The following MYH11 variants were observed in gnomAD, a reference collection of about 807,000 sequenced individuals.
MYH11 encodes the protein myosin heavy chain 11.
A neutral mutation model predicts 246.6 loss-of-function variants in MYH11; 80 were observed. That is an observed-to-expected ratio of 0.32 (90% CI 0.27 to 0.39). MYH11 has a LOEUF of 0.39. MYH11 is among the 10% of genes least tolerant of loss of function. The pLI is 1.00. For missense variants in MYH11, 2,158 were observed against 2,546.8 expected (o/e 0.85, Z 3.29); for synonymous variants, 1,071 against 1,015.5 (o/e 1.05, Z -1.04).
chr16:15,729,549 A>AAT (rs1221497889), intron 27 of MYH11, among the ~76,000 whole-genome samples: 4 of 137,324 alleles, frequency 2.9e-5, no homozygotes, highest in Admixed American at 2.3e-4. Flanking sequence ...TTCCAACCAT[A>AAT]ATTTTTTTTT....
intron 15 of MYH11, among the ~76,000 whole-genome samples, chr16:15,752,778 C>G (rs776560069): frequency 3.9e-5 from 6 of 152,152 alleles, no homozygotes; most frequent in Non-Finnish European, 8.8e-5. Flanking sequence ...ACTTGGGAGG[C>G]TGAGGCAGGA....
chr16:15,719,374 T>TGACA, intron 35 of MYH11, 66 bp from the exon 36 acceptor site: 5 of 1,558,692 alleles, frequency 3.2e-6, no homozygotes, highest in Non-Finnish European at 4.4e-6. Context: ...GAGTCCACCC[T>TGACA]GACAACTCAG....
At chr16:15,806,369 T>C (rs1253481019) in intron 3 of MYH11, among the ~76,000 whole-genome samples, 2 of 129,930 alleles carry the variant, frequency 1.5e-5, no homozygotes, top group African/African-American at 5.7e-5. Flanking sequence ...ATGTCCAGAA[T>C]AGGCAAATCC....
intron 2 of MYH11, among the ~76,000 whole-genome samples, chr16:15,825,540 CA>C (rs1387318804): frequency 6.6e-6 from 1 of 152,088 alleles, no homozygotes; most frequent in African/African-American, 2.4e-5. Context: ...CCCTGGGTGA[CA>C]GAGCAAGACC....
Position 15,732,557 on chromosome 16 carries a change from G to C in MYH11, c.3651+7C>G, listed in dbSNP as rs551160736. ...CATCACCAAAAAGCATCACCAAAAAGCATTACCCTCTTGAACTGCTCAAGC... is the reference window on the plus strand; with the variant it reads ...CATCACCAAAAAGCATCACCAAAAACCATTACCCTCTTGAACTGCTCAAGC... On this transcript the variant is annotated splice_region_variant and intron_variant, in intron 27 of 40. Coordinates refer to ENST00000300036, the MANE Select transcript of MYH11 (RefSeq NM_002474.3). 3.1e-6 allele frequency: 5 copies of C among 1,607,922 alleles called. No homozygotes were observed. The South Asian group carries it at 5.5e-5, about 18-fold the overall frequency.
intron 1 of MYH11, among the ~76,000 whole-genome samples, chr16:15,853,794 A>G (rs2044389621): frequency 6.6e-6 from 1 of 152,174 alleles, no homozygotes. Flanking sequence ...AGACCAAGCC[A>G]GGCGAATCAC....
rs568958841 is a variant in MYH11 at position 15,849,390 on chromosome 16, G to A, written c.-18+7551C>T. Among the ~76,000 whole-genome samples the A allele has an allele frequency of 1.0e-3, 159 of 152,286 alleles. 1 individual carries two copies. In the Middle Eastern group the frequency reaches 0.014, roughly 13 times the overall value. ...GTCACCTTTGGCATTAGCGATGTTT[G>A]ACACATCTGAGTGTGTCAGCCTTGT... On this transcript the variant is annotated intron_variant, in intron 1 of 40. Transcript: ENST00000300036.
Position 15,784,672 on chromosome 16 carries a change from C to T in MYH11, c.633+1958G>A, listed in dbSNP as rs747933116. The T allele has an allele frequency of 7.4e-6, 12 of 1,613,472 alleles. No homozygotes were observed. The African/African-American group carries it at 1.2e-4, about 16-fold the overall frequency. On this transcript the variant is annotated intron_variant, in intron 5 of 40. Coordinates refer to ENST00000300036, the MANE Select transcript of MYH11 (RefSeq NM_002474.3). The stretch of plus-strand genomic sequence containing the variant: ...GTTCACTCCGTGCCTCCCCTACACA[C>T]CAGGAAAACACTCTCAGTTACTCAC...
chr16:15,775,050 G>A (rs908644157), intron 8 of MYH11, among the ~76,000 whole-genome samples: 1 of 152,184 alleles, frequency 6.6e-6, no homozygotes, highest in South Asian at 2.1e-4. Context: ...AGTCTGTATT[G>A]TTCCCATAGA....
intron 2 of MYH11, among the ~76,000 whole-genome samples, chr16:15,824,090 G>C (rs1319822409): frequency 6.6e-6 from 1 of 150,712 alleles, no homozygotes; most frequent in Non-Finnish European, 1.5e-5. Flanking sequence ...ATCTTTTTTG[G>C]ATGCTGACAA....
At chr16:15,751,152 T>C (rs866061109) in intron 15 of MYH11, among the ~76,000 whole-genome samples, 5 of 133,862 alleles carry the variant, frequency 3.7e-5, no homozygotes, top group Non-Finnish European at 6.3e-5. Flanking sequence ...TTATTATTAT[T>C]ATTATTATCA....
intron 1 of MYH11, among the ~76,000 whole-genome samples, chr16:15,856,401 C>T (rs1178981739): frequency 6.6e-6 from 1 of 151,474 alleles, no homozygotes; most frequent in African/African-American, 2.4e-5. Flanking sequence ...TGATTTAATG[C>T]ATTATCAACA....
rs375846862 is a variant in MYH11 at position 15,830,286 on chromosome 16, T to C, written c.346-6875A>G. Among the ~76,000 whole-genome samples the C allele has an allele frequency of 2.6e-5, 4 of 152,186 alleles. No homozygotes were observed. In the East Asian group the frequency reaches 7.7e-4, roughly 29 times the overall value. On this transcript the variant is annotated intron_variant, in intron 2 of 40. Transcript: ENST00000300036. ...AAGCTGCAGTGCAATATCACGGCTT[T>C]CTAAATACCCAACCTAGAGACAGAC...
At position 15,786,410 on chromosome 16, in the gene MYH11, C is replaced by T. The variant is rs1596835945; in HGVS notation, c.633+220G>A. 6 of 746,402 alleles carry T rather than the reference C, an allele frequency of 8.0e-6. No homozygotes were observed. In the East Asian group the frequency reaches 1.0e-4, roughly 12 times the overall value. The allele number at this position is 746,402 out of a possible 1,614,324, so 46.2% of individuals were successfully genotyped here. ...AAGGGCTTATTCTCATTTCACAAAA[C>T]GGGCCCCCTTCTGGAGGGATGCTTC... On this transcript the variant is annotated intron_variant, in intron 5 of 40. Transcript: ENST00000300036.
chr16:15,776,340 G>A (rs1313181941), intron 7 of MYH11, among the ~76,000 whole-genome samples, 164 bp from the exon 8 acceptor site: 2 of 152,080 alleles, frequency 1.3e-5, no homozygotes, highest in East Asian at 3.9e-4. Flanking sequence ...AAATGGAACC[G>A]CTGGGTGCTG....
chr16:15,805,852 GT>G (rs941034230), intron 3 of MYH11, among the ~76,000 whole-genome samples: 15 of 152,168 alleles, frequency 9.9e-5, no homozygotes, highest in African/African-American at 3.6e-4. Flanking sequence ...GGAGGTGGAG[GT>G]TGTAGTAAGC....
chr16:15,755,741 T>G (rs976461215), intron 14 of MYH11, among the ~76,000 whole-genome samples: 51 of 152,304 alleles, frequency 3.3e-4, no homozygotes, highest in African/African-American at 1.1e-3. Flanking sequence ...GAGACCAGCC[T>G]GGCCAACATG....
At chr16:15,819,301 G>A (rs1376006734) in intron 3 of MYH11, among the ~76,000 whole-genome samples, 1 of 152,164 alleles carries the variant, frequency 6.6e-6, no homozygotes, top group Non-Finnish European at 1.5e-5. Context: ...ATGAACACAG[G>A]GTGTCCTTGT....
intron 9 of MYH11, among the ~76,000 whole-genome samples, chr16:15,768,179 C>A (rs571514823): frequency 6.6e-6 from 1 of 152,108 alleles, no homozygotes; most frequent in Non-Finnish European, 1.5e-5. Context: ...TTTACAGTGG[C>A]CTTACACCTC....
Sources: allele counts gnomAD v4.1 joint callset (sites outside exome capture counted in the v4.1 genomes callset), GRCh38; gene constraint gnomAD v4.1.1; transcripts MANE v1.5; gene names NCBI Gene and HGNC (gene_info 2026-07-23, HGNC 2026-07-21).